The following ZKSCAN1 variants were observed in gnomAD, a reference collection of about 807,000 sequenced individuals.
The protein encoded by ZKSCAN1 is zinc finger with KRAB and SCAN domains 1.
Under a neutral mutation model 51.6 loss-of-function variants are expected in ZKSCAN1, and 14 were observed. That is an observed-to-expected ratio of 0.27 (90% CI 0.18 to 0.42). ZKSCAN1 has a LOEUF of 0.42. Among genes scored for constraint, ZKSCAN1 ranks in the 10% least tolerant of loss-of-function variants. The pLI is 1.00. For synonymous variants in ZKSCAN1, 263 were observed against 261.5 expected (o/e 1.01, Z -0.06); for missense variants, 531 against 710.0 (o/e 0.75, Z 2.86).
chr7:100,044,662 T>C, downstream of ZKSCAN1: 3 of 525,498 alleles, frequency 5.7e-6, no homozygotes, highest in Non-Finnish European at 7.0e-6. Flanking sequence ...GCCTGGGTGA[T>C]GGCGTGAGAC....
downstream of ZKSCAN1, among the ~76,000 whole-genome samples, chr7:100,042,318 CAAAAAAAAAAAA>C (rs34258466): frequency 4.6e-5 from 2 of 43,674 alleles, no homozygotes; most frequent in African/African-American, 1.7e-4. Flanking sequence ...GACTTTGTCT[CAAAAAAAAAAAA>C]AAAAAAAAGG....
downstream of ZKSCAN1, among the ~76,000 whole-genome samples, chr7:100,042,045 A>T (rs1032396608): frequency 3.3e-5 from 5 of 152,182 alleles, no homozygotes; most frequent in African/African-American, 1.2e-4. Flanking sequence ...ATGGCCAGCC[A>T]TGGTGGCTTA....
At chr7:100,028,813 CAG>C (rs1790964586) in intron 3 of ZKSCAN1, among the ~76,000 whole-genome samples, 3 of 119,578 alleles carry the variant, frequency 2.5e-5, no homozygotes, top group African/African-American at 5.7e-5. Context: ...AAAAAAAAAA[CAG>C]TATTTATTGT....
At position 100,024,040 on chromosome 7, in the gene ZKSCAN1, A is replaced by G. The variant is rs957488702; in HGVS notation, c.426+108A>G. On this transcript the variant is annotated intron_variant, in intron 2 of 5. Transcript: ENST00000324306. ...GTTATTAGGTGGTTACTCTGTCTTAAAAATGTTCTGGCTTTCTTCCTGCAT... is the reference window on the plus strand; with the variant it reads ...GTTATTAGGTGGTTACTCTGTCTTAGAAATGTTCTGGCTTTCTTCCTGCAT... 5 of 1,523,662 alleles carry G rather than the reference A, an allele frequency of 3.3e-6. No homozygotes were observed. The Admixed American group carries it at 6.6e-5, about 20-fold the overall frequency. The allele number at this position is 1,523,662 out of a possible 1,614,324, so 94.4% of individuals were successfully genotyped here.
rs1584352126 is a variant in ZKSCAN1, at chr7:100,036,099, A to G, written c.*1902A>G. On this transcript the variant is annotated 3_prime_UTR_variant, in exon 6 of 6. Transcript: ENST00000324306. Reference sequence around the variant, plus strand: ...AGTCCATGAGACCAAATGGTTTTATATGGAACCAACGAAGTGGGAGCTAAA... The same window carrying G: ...AGTCCATGAGACCAAATGGTTTTATGTGGAACCAACGAAGTGGGAGCTAAA... The G allele has an allele frequency of 1.0e-6, 1 of 985,454 alleles. No individual in the cohort carries two copies. The highest frequency in any genetic ancestry group is 1.2e-6 in the Non-Finnish European group (1 of 829,934). The allele number at this position is 985,454 out of a possible 1,614,324, so 61.0% of individuals were successfully genotyped here.
At chr7:100,022,819 T>C (rs1345372418) in intron 1 of ZKSCAN1, among the ~76,000 whole-genome samples, 1 of 152,172 alleles carries the variant, frequency 6.6e-6, no homozygotes, top group Non-Finnish European at 1.5e-5. Context: ...CCTGGCACTC[T>C]GCTAACATTC....
In ZKSCAN1 at chr7:100,034,569, T is replaced by TA. The variant is rs1196771361; in HGVS notation, c.*373dup. The TA allele has an allele frequency of 4.0e-6, 4 of 1,006,066 alleles. 1 individual carries two copies. In the East Asian group the frequency reaches 3.1e-4, roughly 77 times the overall value. The allele number at this position is 1,006,066 out of a possible 1,614,324, so 62.3% of individuals were successfully genotyped here. On this transcript the variant is annotated 3_prime_UTR_variant, in exon 6 of 6. Transcript: ENST00000324306. Reference sequence around the variant, plus strand: ...ATCAAGATTGGCTCCACGAAAGTGATACGGAGGTTAGGATGCTACTTGCTG... The same window carrying TA: ...ATCAAGATTGGCTCCACGAAAGTGATAACGGAGGTTAGGATGCTACTTGCTG...
At chr7:100,032,231 A>C (rs1791137281) in intron 5 of ZKSCAN1, among the ~76,000 whole-genome samples, 1 of 152,206 alleles carries the variant, frequency 6.6e-6, no homozygotes, top group Non-Finnish European at 1.5e-5. Context: ...TGAACTTATG[A>C]ATAATGTTAG....
rs1156551818 is a variant in ZKSCAN1, at chr7:100,040,321, G to A, written c.*6124G>A. The A allele has an allele frequency of 1.0e-6, 1 of 985,392 alleles. No individual in the cohort carries two copies. The allele number at this position is 985,392 out of a possible 1,614,324, so 61.0% of individuals were successfully genotyped here. A position where few individuals can be genotyped will look rare whatever the true frequency, so the allele number is the denominator to read the frequency against. Reference sequence around the variant, plus strand: ...GTGTTTGGTAGACTTCTAAATCATGGTCTCTGACAATTTGAATCTGAGATT... The same window carrying A: ...GTGTTTGGTAGACTTCTAAATCATGATCTCTGACAATTTGAATCTGAGATT... On this transcript the variant is annotated 3_prime_UTR_variant, in exon 6 of 6. Transcript: ENST00000324306.
rs190094663 is a variant in ZKSCAN1, at chr7:100,032,780, G to A, written c.800-525G>A. Among the ~76,000 whole-genome samples, 580 of 151,974 alleles carry A rather than the reference G, an allele frequency of 3.8e-3. 2 individuals are homozygous for A. Among genetic ancestry groups the A allele is most frequent in the South Asian group, 6.2e-3 (30 of 4,810 alleles). ...TCCCAGCACTTTGGGAGGCCGAGGCGGGTGGATCACGAGGTCAGGAGATCG... is the reference window on the plus strand; with the variant it reads ...TCCCAGCACTTTGGGAGGCCGAGGCAGGTGGATCACGAGGTCAGGAGATCG... On this transcript the variant is annotated intron_variant, in intron 5 of 5. Transcript: ENST00000324306.
At chr7:100,022,853 A>G (rs1034289584) in intron 1 of ZKSCAN1, among the ~76,000 whole-genome samples, 1 of 152,156 alleles carries the variant, frequency 6.6e-6, no homozygotes, top group African/African-American at 2.4e-5. Flanking sequence ...GGGCACTGTT[A>G]ATGCTCCATT....
downstream of ZKSCAN1, chr7:100,041,757 G>T (rs190582871): frequency 1.0e-6 from 1 of 984,510 alleles, no homozygotes; most frequent in Non-Finnish European, 1.2e-6. Flanking sequence ...ACACATTGGG[G>T]GTGAAGAAAA....
intron 1 of ZKSCAN1, among the ~76,000 whole-genome samples, chr7:100,019,989 C>T (rs1352639316): frequency 6.6e-6 from 1 of 152,176 alleles, no homozygotes; most frequent in Non-Finnish European, 1.5e-5. Context: ...AGGCATGAGC[C>T]GCTGCGCTCA....
At chr7:100,032,493 A>T (rs1014925881) in intron 5 of ZKSCAN1, among the ~76,000 whole-genome samples, 1 of 152,158 alleles carries the variant, frequency 6.6e-6, no homozygotes. Flanking sequence ...TTGTTGTTCC[A>T]AAACTAGGAC....
chr7:100,043,624 C>T (rs1791651485), downstream of ZKSCAN1, among the ~76,000 whole-genome samples: 1 of 151,860 alleles, frequency 6.6e-6, no homozygotes, highest in African/African-American at 2.4e-5. Flanking sequence ...ATCCTCCCAC[C>T]TCAGCTTCCC....
In ZKSCAN1 at chr7:100,038,119, G is replaced by T; in HGVS notation, c.*3922G>T. ...ATGCTTTAAAAAAATAGCAAAATGT[G>T]CAACTTCTTACAAAAATTGTTAACG... On this transcript the variant is annotated 3_prime_UTR_variant, in exon 6 of 6. Transcript: ENST00000324306. 1.0e-6 allele frequency: 1 copy of T among 985,248 alleles called. No individual in the cohort carries two copies. The highest frequency in any genetic ancestry group is 1.2e-6 in the Non-Finnish European group (1 of 829,908). 61.0% of individuals were successfully genotyped at this position (985,248 alleles called of 1,614,324 possible).
In ZKSCAN1 at chr7:100,039,338, A is replaced by G. The variant is rs1221046506; in HGVS notation, c.*5141A>G. ...AAGAAAAAAAAAAAAGAAAGAAAGAAAGAAAATTGGGGATAGGAGAACAGC... is the reference window on the plus strand; with the variant it reads ...AAGAAAAAAAAAAAAGAAAGAAAGAGAGAAAATTGGGGATAGGAGAACAGC... On this transcript the variant is annotated 3_prime_UTR_variant, in exon 6 of 6. Coordinates refer to ENST00000324306, the MANE Select transcript of ZKSCAN1 (RefSeq NM_003439.4). The G allele has an allele frequency of 2.0e-6, 2 of 985,376 alleles. No homozygotes were observed. The highest frequency in any genetic ancestry group is 2.4e-6 in the Non-Finnish European group (2 of 830,094). The allele number at this position is 985,376 out of a possible 1,614,324, so 61.0% of individuals were successfully genotyped here. A position where few individuals can be genotyped will look rare whatever the true frequency, so the allele number is the denominator to read the frequency against.
chr7:100,018,919 C>T (rs1227402845), intron 1 of ZKSCAN1, among the ~76,000 whole-genome samples: 2 of 152,272 alleles, frequency 1.3e-5, no homozygotes, highest in East Asian at 3.9e-4. Context: ...TCTATTTCCC[C>T]CTGGACTCAT....
chr7:100,030,931 A>G (rs1791078770), intron 5 of ZKSCAN1, among the ~76,000 whole-genome samples: 1 of 152,154 alleles, frequency 6.6e-6, no homozygotes, highest in Non-Finnish European at 1.5e-5. Flanking sequence ...CCAGCTTCCA[A>G]ACTTAATGGT....
Sources: allele counts gnomAD v4.1 joint callset (sites outside exome capture counted in the v4.1 genomes callset), GRCh38; gene constraint gnomAD v4.1.1; transcripts MANE v1.5; gene names NCBI Gene and HGNC (gene_info 2026-07-23, HGNC 2026-07-21).